Variants in BMPR2 observed in about 807,000 individuals in gnomAD.
BMPR2 encodes bone morphogenetic protein receptor type-2.
Under a neutral mutation model 100.8 loss-of-function variants are expected in BMPR2, and 29 were observed. The observed-to-expected ratio is 0.29, with a 90% CI of 0.21 to 0.39. The LOEUF (loss-of-function observed/expected upper bound fraction) is 0.39, where lower values mean the gene tolerates loss of function less well. Ranked by LOEUF, BMPR2 falls within the 10% of genes least tolerant of loss-of-function variation. BMPR2 has a pLI of 1.00. For missense variants in BMPR2, 1,011 were observed against 1,274.5 expected (o/e 0.79, Z 3.15); for synonymous variants, 382 against 442.3 (o/e 0.86, Z 1.71).
chr2:202,531,896 G>A (rs2106019208), intron 8 of BMPR2, among the ~76,000 whole-genome samples: 1 of 133,666 alleles, frequency 7.5e-6, no homozygotes, highest in East Asian at 2.5e-4. Flanking sequence ...CCAAAGTGCT[G>A]CAATTACAAG....
At chr2:202,462,070 G>A (rs1692235663) in intron 1 of BMPR2, among the ~76,000 whole-genome samples, 1 of 152,022 alleles carries the variant, frequency 6.6e-6, no homozygotes, top group Admixed American at 6.6e-5. Context: ...AAAGCTATTT[G>A]TATATTAGAA....
chr2:202,444,979 C>T lies in BMPR2; in HGVS notation c.77-19830C>T, dbSNP rs1368205417. Among the ~76,000 whole-genome samples the T allele has an allele frequency of 3.3e-5, 5 of 149,812 alleles. No homozygotes were observed. In the East Asian group the frequency reaches 5.8e-4, roughly 17 times the overall value. Reference sequence around the variant, plus strand: ...AATTTTGTATTTTTAGTAGAGGTGGCGTTTCACCATATTGGTCAGGCTGGT... The same window carrying T: ...AATTTTGTATTTTTAGTAGAGGTGGTGTTTCACCATATTGGTCAGGCTGGT... On this transcript the variant is annotated intron_variant, in intron 1 of 12. Coordinates refer to ENST00000374580, the MANE Select transcript of BMPR2 (RefSeq NM_001204.7).
At chr2:202,496,360 C>A (rs1693027480) in intron 3 of BMPR2, among the ~76,000 whole-genome samples, 3 of 152,110 alleles carry the variant, frequency 2.0e-5, no homozygotes, top group Admixed American at 1.3e-4. Flanking sequence ...TGGCATGAGA[C>A]CAGATGCTTG....
chr2:202,545,045 A>C (rs945048732), intron 10 of BMPR2, among the ~76,000 whole-genome samples: 2 of 150,806 alleles, frequency 1.3e-5, no homozygotes, highest in Non-Finnish European at 3.0e-5. Flanking sequence ...CATAAGCATG[A>C]GCCATCATGC....
rs114475201 is a variant in BMPR2 at position 202,546,235 on chromosome 2, T to G, written c.1413+3788T>G. ...TAGAGTTAGGTAGCAAGTACATAGT[T>G]TATAAAAAGAGAGAAATGCAGCTAT... On this transcript the variant is annotated intron_variant, in intron 10 of 12. Coordinates refer to ENST00000374580, the MANE Select transcript of BMPR2 (RefSeq NM_001204.7). Among the ~76,000 whole-genome samples the G allele has an allele frequency of 8.1e-3, 1,236 of 152,290 alleles. 9 individuals carry two copies. The highest frequency in any genetic ancestry group is 0.025 in the South Asian group (120 of 4,822).
At chr2:202,378,287 T>G (rs1340569727) in intron 1 of BMPR2, among the ~76,000 whole-genome samples, 1 of 152,198 alleles carries the variant, frequency 6.6e-6, no homozygotes, top group Non-Finnish European at 1.5e-5. Context: ...ATATTTTCAT[T>G]TCAGTTCTCA....
intron 1 of BMPR2, among the ~76,000 whole-genome samples, chr2:202,457,380 TATA>T (rs1287996083): frequency 6.6e-6 from 1 of 151,794 alleles, no homozygotes; most frequent in East Asian, 1.9e-4. Flanking sequence ...ATGAACATGA[TATA>T]ATAATTTTTC....
chr2:202,447,116 G>A (rs1415722898), intron 1 of BMPR2, among the ~76,000 whole-genome samples: 1 of 148,438 alleles, frequency 6.7e-6, no homozygotes, highest in Non-Finnish European at 1.5e-5. Flanking sequence ...GACCAGCCTG[G>A]CCAACATAGT....
At chr2:202,422,631 C>G (rs905250969) in intron 1 of BMPR2, among the ~76,000 whole-genome samples, 3 of 151,126 alleles carry the variant, frequency 2.0e-5, no homozygotes, top group Non-Finnish European at 2.9e-5. Flanking sequence ...TTAGCCATTT[C>G]CAGTGTCTGA....
In BMPR2 at chr2:202,545,088, C is replaced by G. The variant is rs183217631; in HGVS notation, c.1413+2641C>G. Among the ~76,000 whole-genome samples, 1,034 of 151,852 alleles carry G rather than the reference C, an allele frequency of 6.8e-3. 9 individuals carry two copies. The highest frequency in any genetic ancestry group is 0.041 in the Middle Eastern group (12 of 292). Reference sequence around the variant, plus strand: ...GGTATTTTTTTTTAATTATTTCTTACCTTTCAATTCTTCCTTCTGGAATTC... The same window carrying G: ...GGTATTTTTTTTTAATTATTTCTTAGCTTTCAATTCTTCCTTCTGGAATTC... On this transcript the variant is annotated intron_variant, in intron 10 of 12. Coordinates refer to ENST00000374580, the MANE Select transcript of BMPR2 (RefSeq NM_001204.7).
chr2:202,493,039 G>C (rs910754035), intron 3 of BMPR2, among the ~76,000 whole-genome samples: 2 of 152,136 alleles, frequency 1.3e-5, no homozygotes, highest in African/African-American at 2.4e-5. Flanking sequence ...TCTTGAGTAT[G>C]GATTCTGAAT....
intron 7 of BMPR2, among the ~76,000 whole-genome samples, chr2:202,523,102 A>T (rs1368107399): frequency 6.6e-6 from 1 of 152,220 alleles, no homozygotes; most frequent in Non-Finnish European, 1.5e-5. Context: ...AAAAGATGAC[A>T]TACAAGCAGC....
intron 1 of BMPR2, among the ~76,000 whole-genome samples, chr2:202,411,767 T>C (rs558793035): frequency 1.3e-5 from 2 of 152,302 alleles, no homozygotes; most frequent in African/African-American, 4.8e-5. Flanking sequence ...AATTTTTGTC[T>C]AATCATGAGA....
Position 202,464,015 on chromosome 2 carries a change from C to T in BMPR2, c.77-794C>T, listed in dbSNP as rs1574462105. Among the ~76,000 whole-genome samples the T allele has an allele frequency of 2.0e-5, 3 of 151,922 alleles. No individual in the cohort carries two copies. The South Asian group carries it at 6.2e-4, about 32-fold the overall frequency. On this transcript the variant is annotated intron_variant, in intron 1 of 12. Coordinates refer to ENST00000374580, the MANE Select transcript of BMPR2 (RefSeq NM_001204.7). ...TCTCTACTAAAAATACAAAATTAGC[C>T]GGGCGTGGTGGCACATGCCTGTAAT...
intron 1 of BMPR2, among the ~76,000 whole-genome samples, chr2:202,455,798 G>A (rs1226753541): frequency 6.6e-6 from 1 of 151,812 alleles, no homozygotes; most frequent in Non-Finnish European, 1.5e-5. Flanking sequence ...AGGGGCGGTG[G>A]CTCACGCCTG....
intron 3 of BMPR2, among the ~76,000 whole-genome samples, chr2:202,477,087 G>C (rs1692566048): frequency 6.6e-6 from 1 of 152,112 alleles, no homozygotes; most frequent in African/African-American, 2.4e-5. Context: ...TGTTAAACTT[G>C]CTAAACATAA....
intron 1 of BMPR2, among the ~76,000 whole-genome samples, chr2:202,394,898 T>A (rs985420356): frequency 2.2e-4 from 34 of 151,932 alleles, no homozygotes; most frequent in South Asian, 4.2e-4. Context: ...TTATTTTTTT[T>A]TTTTTGAGAC....
intron 1 of BMPR2, among the ~76,000 whole-genome samples, chr2:202,400,182 C>T (rs1478143373): frequency 6.6e-6 from 1 of 152,080 alleles, no homozygotes. Flanking sequence ...CTCTGTCACT[C>T]TCAGGCTGGA....
chr2:202,387,584 T>C (rs1690455654), intron 1 of BMPR2, among the ~76,000 whole-genome samples: 1 of 152,268 alleles, frequency 6.6e-6, no homozygotes, highest in Non-Finnish European at 1.5e-5. Flanking sequence ...GATTGAACTA[T>C]GTCTTAGATA....
Sources: gnomAD v4.1 joint callset for allele counts (sites outside exome capture counted in the v4.1 genomes callset) on GRCh38, gnomAD v4.1.1 for gene constraint, MANE v1.5 for transcripts, NCBI Gene and HGNC (gene_info 2026-07-23, HGNC 2026-07-21) for gene names.